Variants in TRIM36 observed in about 807,000 individuals in gnomAD.
TRIM36 encodes the protein E3 ubiquitin-protein ligase TRIM36.
In TRIM36, 42 loss-of-function variants were observed where a neutral mutation model predicts 72.4. The observed-to-expected ratio is 0.58, with a 90% CI of 0.45 to 0.75. TRIM36 has a LOEUF of 0.75. Among genes scored for constraint, TRIM36 ranks in the 30% least tolerant of loss-of-function variants. The pLI is 0.00. For synonymous variants in TRIM36, 315 were observed against 282.8 expected (o/e 1.11, Z -1.14); for missense variants, 913 against 857.1 (o/e 1.07, Z -0.81).
chr5:115,163,815 C>A (rs1754619318), intron 1 of TRIM36, 63 bp from the exon 2 acceptor site: 11 of 1,209,098 alleles, frequency 9.1e-6, no homozygotes. Flanking sequence ...CATTCTTATA[C>A]CTCCTGAATA....
intron 1 of TRIM36, chr5:115,177,594 A>T (rs974879168): frequency 6.9e-7 from 1 of 1,459,542 alleles, no homozygotes; most frequent in Non-Finnish European, 9.0e-7. Flanking sequence ...CACACAAAAC[A>T]GGGGTCTTAA....
intron 5 of TRIM36, among the ~76,000 whole-genome samples, chr5:115,138,481 T>C (rs1753091809): frequency 6.6e-6 from 1 of 152,190 alleles, no homozygotes; most frequent in South Asian, 2.1e-4. Context: ...TTCACTTTAA[T>C]ATAATTATAA....
intron 1 of TRIM36, 23 bp downstream of exon 1, chr5:115,169,585 G>A (rs371799441): frequency 2.0e-6 from 3 of 1,507,770 alleles, no homozygotes; most frequent in East Asian, 5.1e-5. Context: ...CGAGGTGGGG[G>A]CGGCGGTCCC....
At chr5:115,160,650 C>A (rs1449969385) in intron 2 of TRIM36, among the ~76,000 whole-genome samples, 4 of 152,136 alleles carry the variant, frequency 2.6e-5, no homozygotes, top group Non-Finnish European at 1.5e-5. Context: ...CCAGCCTAGG[C>A]AACAAAGTGA....
At chr5:115,142,968 C>A (rs1753354615) in intron 4 of TRIM36, among the ~76,000 whole-genome samples, 1 of 152,060 alleles carries the variant, frequency 6.6e-6, no homozygotes, top group Non-Finnish European at 1.5e-5. Flanking sequence ...GGAGATGCAG[C>A]TGAGTCCAAG....
chr5:115,177,400 G>T, intron 1 of TRIM36: 1 of 436,620 alleles, frequency 2.3e-6, no homozygotes, highest in Non-Finnish European at 3.2e-6. Context: ...TGGGGCGGAG[G>T]GCAGGCCAAC....
chr5:115,161,992 C>A (rs1754509919), intron 2 of TRIM36, among the ~76,000 whole-genome samples: 1 of 152,136 alleles, frequency 6.6e-6, no homozygotes, highest in Admixed American at 6.5e-5. Flanking sequence ...TTCTGGACAG[C>A]CTTAGTGGGG....
intron 2 of TRIM36, among the ~76,000 whole-genome samples, chr5:115,150,795 C>T (rs905183201): frequency 4.6e-5 from 7 of 152,264 alleles, no homozygotes; most frequent in Admixed American, 6.5e-5. Context: ...ACCTGGATAA[C>T]GGGAGATTTT....
chr5:115,176,887 AT>A (rs1755363742), intron 1 of TRIM36, among the ~76,000 whole-genome samples: 1 of 152,222 alleles, frequency 6.6e-6, no homozygotes, highest in African/African-American at 2.4e-5. Flanking sequence ...ATACATTTTC[AT>A]TTTTAAGCCT....
At chr5:115,170,223 G>A (rs1269965611), upstream of TRIM36, among the ~76,000 whole-genome samples, 4 of 151,878 alleles carry the variant, frequency 2.6e-5, no homozygotes, top group African/African-American at 4.8e-5. Flanking sequence ...GCAGCGGGGA[G>A]CGGTGGGCGG....
chr5:115,132,247 CT>C (rs1249511060), intron 8 of TRIM36, among the ~76,000 whole-genome samples: 1 of 150,758 alleles, frequency 6.6e-6, no homozygotes, highest in Non-Finnish European at 1.5e-5. Context: ...AAACAGGCTG[CT>C]AGCAGCTGGG....
chr5:115,171,977 AT>A (rs1755134946), upstream of TRIM36, among the ~76,000 whole-genome samples: 9 of 152,210 alleles, frequency 5.9e-5, no homozygotes, highest in Admixed American at 5.2e-4. Context: ...AAGACCTTAT[AT>A]TAGTCTAGAT....
rs149378977 is a variant in TRIM36, at chr5:115,129,023, G to A, written c.1796+1569C>T. On this transcript the variant is annotated intron_variant, in intron 9 of 9. Coordinates refer to ENST00000513154, the MANE Select transcript of TRIM36 (RefSeq NM_001300759.2). Reference sequence around the variant, plus strand: ...TTATCTTTTATAACTTATTTTTATTGTACCTTTTCTATGTTTAGATACACA... The same window carrying A: ...TTATCTTTTATAACTTATTTTTATTATACCTTTTCTATGTTTAGATACACA... Among the ~76,000 whole-genome samples the A allele has an allele frequency of 3.3e-3, 507 of 151,876 alleles. 4 individuals carry two copies. The highest frequency in any genetic ancestry group is 0.012 in the African/African-American group (485 of 41,422).
chr5:115,175,797 C>T (rs942217441), intron 1 of TRIM36, among the ~76,000 whole-genome samples: 2 of 152,098 alleles, frequency 1.3e-5, no homozygotes, highest in Admixed American at 1.3e-4. Context: ...ACATTTCACC[C>T]AATTTCAATA....
At chr5:115,166,526 C>G (rs1325419580) in intron 1 of TRIM36, among the ~76,000 whole-genome samples, 1 of 152,224 alleles carries the variant, frequency 6.6e-6, no homozygotes, top group Non-Finnish European at 1.5e-5. Context: ...GAGAGCTACT[C>G]TTTTGCTCAA....
At chr5:115,151,438 C>G (rs1753889854) in intron 2 of TRIM36, among the ~76,000 whole-genome samples, 1 of 152,174 alleles carries the variant, frequency 6.6e-6, no homozygotes, top group African/African-American at 2.4e-5. Context: ...GGGGTCTTTC[C>G]CTACCTACCC....
chr5:115,179,846 G>T, intron 1 of TRIM36: 1 of 837,516 alleles, frequency 1.2e-6, no homozygotes, highest in Non-Finnish European at 1.9e-6. Context: ...CGGGCTGCGA[G>T]CGCGGCTCCT....
chr5:115,128,050 TA>T lies in TRIM36; in HGVS notation c.1797-1194del, dbSNP rs1018990929. ...TTAAAATGTTAAAAATTTAAAAAAT[TA>T]AAAAAAAAAACTTGTAGAACAAGGC... is the stretch of plus-strand genomic sequence containing the variant. On this transcript the variant is annotated intron_variant, in intron 9 of 9. Transcript: ENST00000513154. 6.1e-3 allele frequency among the ~76,000 whole-genome samples: 807 copies of T among 131,558 alleles called. 9 individuals carry two copies. The highest frequency in any genetic ancestry group is 0.013 in the East Asian group (57 of 4,542). 86.3% of individuals were successfully genotyped at this position (131,558 alleles called of 152,430 possible).
At chr5:115,172,489 G>A (rs1477632029), upstream of TRIM36, among the ~76,000 whole-genome samples, 3 of 152,144 alleles carry the variant, frequency 2.0e-5, no homozygotes, top group South Asian at 4.2e-4. Flanking sequence ...TAATCCCAGC[G>A]CTTTGGGAGG....
Sources: gnomAD v4.1 joint callset for allele counts (sites outside exome capture counted in the v4.1 genomes callset) on GRCh38, gnomAD v4.1.1 for gene constraint, MANE v1.5 for transcripts, NCBI Gene and HGNC (gene_info 2026-07-23, HGNC 2026-07-21) for gene names.